SNTG2: variants seen among roughly 807,000 people sequenced by gnomAD.
SNTG2 encodes gamma-2-syntrophin.
A neutral mutation model predicts 70.9 loss-of-function variants in SNTG2; 74 were observed. The ratio of observed to expected loss-of-function variants is 1.04; its 90% CI spans 0.86 to 1.27. The LOEUF (loss-of-function observed/expected upper bound fraction) is 1.27, where lower values mean the gene tolerates loss of function less well. Among genes scored for constraint, SNTG2 ranks in the 50% most tolerant of loss-of-function variants. The pLI, the probability that SNTG2 is intolerant of heterozygous loss-of-function variation, is 0.00. For missense variants in SNTG2, 717 were observed against 690.7 expected, an observed-to-expected ratio of 1.04 and a Z score of -0.43; for synonymous variants, 278 against 273.8, an observed-to-expected ratio of 1.02 and a Z score of -0.15.
chr2:1,099,285 CA>C, intron 4 of SNTG2, among the ~76,000 whole-genome samples: 1 of 152,192 alleles, frequency 6.6e-6, no homozygotes, highest in East Asian at 1.9e-4. Context: ...GAACAGGAAG[CA>C]AGACAGAGTG....
chr2:1,317,687 T>C (rs1280750834), intron 16 of SNTG2, among the ~76,000 whole-genome samples: 5 of 105,192 alleles, frequency 4.8e-5, no homozygotes, highest in South Asian at 3.3e-4. Flanking sequence ...TTGGAGAAGG[T>C]TGGGATTCTG....
At chr2:1,365,960 T>C (rs4630805) in intron 16 of SNTG2, among the ~76,000 whole-genome samples, 109,561 of 151,892 alleles carry the variant, frequency 0.72, 39,805 homozygotes, top group East Asian at 0.94. Flanking sequence ...GGCCCCATTC[T>C]CCACCCCCTC....
chr2:1,207,897 G>A (rs1178330739), intron 8 of SNTG2, among the ~76,000 whole-genome samples: 1 of 152,172 alleles, frequency 6.6e-6, no homozygotes, highest in African/African-American at 2.4e-5. Context: ...AATGTGTAAG[G>A]TATGCATTTA....
At chr2:1,056,954 TGGGG>T (rs1397621393) in intron 1 of SNTG2, among the ~76,000 whole-genome samples, 1 of 184 alleles carries the variant, frequency 5.4e-3, no homozygotes, top group Non-Finnish European at 0.016. Flanking sequence ...CGCCCCGCTG[TGGGG>T]AGGGAGGGAG....
At chr2:1,253,225 C>A (rs1677865734) in intron 12 of SNTG2, among the ~76,000 whole-genome samples, 2 of 151,988 alleles carry the variant, frequency 1.3e-5, no homozygotes, top group South Asian at 4.1e-4. Context: ...CACCCACCCA[C>A]CCTCCTCCCC....
chr2:1,149,899 A>G lies in SNTG2; in HGVS notation c.411+12090A>G, dbSNP rs1669365695. Among the ~76,000 whole-genome samples, 6 of 151,780 alleles carry G rather than the reference A, an allele frequency of 4.0e-5. No homozygotes were observed. The South Asian group carries it at 8.4e-4, about 21-fold the overall frequency. ...GAGACGGGGTTTCACCATGTTAGCC[A>G]GGATGGTCTCAATCTCCTGACCTTG... On this transcript the variant is annotated intron_variant, in intron 6 of 16. Transcript: ENST00000308624.
intron 9 of SNTG2, among the ~76,000 whole-genome samples, chr2:1,236,515 C>A (rs1196582618): frequency 6.6e-6 from 1 of 152,260 alleles, no homozygotes; most frequent in East Asian, 1.9e-4. Flanking sequence ...TCCACCTTCA[C>A]CTCTGTCCTC....
intron 1 of SNTG2, among the ~76,000 whole-genome samples, chr2:996,761 G>GT (rs1661701333): frequency 7.2e-6 from 1 of 138,334 alleles, no homozygotes; most frequent in African/African-American, 2.7e-5. Context: ...AGATGCTGGG[G>GT]TACCTAAAAT....
intron 8 of SNTG2, among the ~76,000 whole-genome samples, chr2:1,197,757 C>A (rs1255282317): frequency 6.6e-6 from 1 of 151,932 alleles, no homozygotes; most frequent in Non-Finnish European, 1.5e-5. Flanking sequence ...TGGTGTCAAA[C>A]TCCCGGGCTC....
chr2:1,184,648 A>G (rs1395541906), intron 8 of SNTG2, among the ~76,000 whole-genome samples: 1 of 152,170 alleles, frequency 6.6e-6, no homozygotes, highest in Non-Finnish European at 1.5e-5. Context: ...GGTGCTACAC[A>G]GTTTTAAACA....
chr2:970,466 T>C (rs1235527326), intron 1 of SNTG2, among the ~76,000 whole-genome samples: 2 of 145,626 alleles, frequency 1.4e-5, no homozygotes, highest in East Asian at 4.2e-4. Context: ...CCCCTTCCTG[T>C]GTCCATGTGT....
chr2:1,220,787 C>T (rs1024772896), intron 9 of SNTG2, among the ~76,000 whole-genome samples: 8 of 152,214 alleles, frequency 5.3e-5, no homozygotes, highest in African/African-American at 1.9e-4. Flanking sequence ...TAAGTCTTCT[C>T]AGAAGCCAGT....
At chr2:1,090,955 TTCCTGG>T (rs1407297145) in intron 2 of SNTG2, among the ~76,000 whole-genome samples, 1 of 152,190 alleles carries the variant, frequency 6.6e-6, no homozygotes, top group African/African-American at 2.4e-5. Context: ...AGACTGCCTT[TTCCTGG>T]TACTGGCTGT....
At chr2:956,055 GCCCCT>G (rs1660132942) in intron 1 of SNTG2, among the ~76,000 whole-genome samples, 1 of 60,942 alleles carries the variant, frequency 1.6e-5, no homozygotes, top group Non-Finnish European at 3.5e-5. Flanking sequence ...CCCTGCCCCT[GCCCCT>G]ACCCCTGACC....
At position 1,229,822 on chromosome 2, in the gene SNTG2, C is replaced by T. The variant is rs890212653; in HGVS notation, c.720-8066C>T. On this transcript the variant is annotated intron_variant, in intron 9 of 16. Coordinates refer to ENST00000308624, the MANE Select transcript of SNTG2 (RefSeq NM_018968.4). ...GCACTGCTGGGGGACCCAGTACACC[C>T]TCCGCAGCCGCTGGCCCGGGTGCTA... Among the ~76,000 whole-genome samples, 2 of 152,368 alleles carry T rather than the reference C, an allele frequency of 1.3e-5. 1 individual carries two copies. Among genetic ancestry groups the T allele is most frequent in the Non-Finnish European group, 2.9e-5 (2 of 68,036 alleles).
chr2:1,339,044 T>A (rs1468262900), intron 16 of SNTG2, among the ~76,000 whole-genome samples: 1 of 152,228 alleles, frequency 6.6e-6, no homozygotes, highest in Non-Finnish European at 1.5e-5. Context: ...TTTTAAAATA[T>A]TATAGCCATT....
chr2:1,361,376 C>A (rs1446049226), intron 16 of SNTG2, among the ~76,000 whole-genome samples: 2 of 151,136 alleles, frequency 1.3e-5, no homozygotes, highest in East Asian at 3.9e-4. Context: ...TTTTGAAAAC[C>A]ACAGCATGGC....
chr2:1,223,778 G>T lies in SNTG2; in HGVS notation c.720-14110G>T, dbSNP rs558222250. 4.6e-5 allele frequency among the ~76,000 whole-genome samples: 7 copies of T among 152,192 alleles called. No individual in the cohort carries two copies. The South Asian group carries it at 1.5e-3, about 32-fold the overall frequency. On this transcript the variant is annotated intron_variant, in intron 9 of 16. Transcript: ENST00000308624. ...TACATGACCTCAGCACACTAACCTG[G>T]CTCTGAAGACCTCGTTTTAGTCAGT...
intron 1 of SNTG2, among the ~76,000 whole-genome samples, chr2:1,021,835 C>T (rs1298864403): frequency 6.6e-6 from 1 of 151,406 alleles, no homozygotes; most frequent in Non-Finnish European, 1.5e-5. Flanking sequence ...TCAGGCTGGT[C>T]TGAAACTCCT....
Sources: allele counts gnomAD v4.1 joint callset (sites outside exome capture counted in the v4.1 genomes callset), GRCh38; gene constraint gnomAD v4.1.1; transcripts MANE v1.5; gene names NCBI Gene and HGNC (gene_info 2026-07-23, HGNC 2026-07-21).